BEND5: variants seen among roughly 807,000 people sequenced by gnomAD.
BEND5 encodes BEN domain-containing protein 5.
A neutral mutation model predicts 43.9 loss-of-function variants in BEND5; 22 were observed. That is an observed-to-expected ratio of 0.50 (90% confidence interval 0.36 to 0.72). The LOEUF (loss-of-function observed/expected upper bound fraction) is 0.72, where lower values mean the gene tolerates loss of function less well. Ranked by LOEUF, BEND5 falls within the 30% of genes least tolerant of loss-of-function variation. The pLI, the probability that BEND5 is intolerant of heterozygous loss-of-function variation, is 0.00. For synonymous variants in BEND5, 228 were observed against 225.9 expected (o/e 1.01, Z -0.08); for missense variants, 428 against 550.6 (o/e 0.78, Z 2.23).
In BEND5 at chr1:48,742,668, G is replaced by A. The variant is rs146041042; in HGVS notation, c.849C>T (p.Pro283=). 15 of 1,609,206 alleles carry A rather than the reference G, an allele frequency of 9.3e-6. No homozygotes were observed. Among genetic ancestry groups the A allele is most frequent in the East Asian group, 4.5e-5 (2 of 44,626 alleles). ...SEEANTSSYY[P]APAPVMDKYI... ...ACTTGTCCATGACAGGCGCAGGAGC[G>A]GGGTAATAGGACGACGTATTTGCTT... The change falls in exon 4 of 6, where the codon CCC becomes CCT. Residue 283 remains proline (P), a synonymous_variant. Coordinates refer to ENST00000371833, the MANE Select transcript of BEND5 (RefSeq NM_024603.4).
intron 1 of BEND5, among the ~76,000 whole-genome samples, chr1:48,763,829 G>A (rs1360504756): frequency 6.6e-6 from 1 of 152,208 alleles, no homozygotes; most frequent in Non-Finnish European, 1.5e-5. Context: ...TGAAGTCTGT[G>A]CATCCATCCA....
chr1:48,744,000 C>G (rs1484231352), intron 3 of BEND5, among the ~76,000 whole-genome samples: 1 of 152,180 alleles, frequency 6.6e-6, no homozygotes, highest in Non-Finnish European at 1.5e-5. Context: ...GGTTGGGGAG[C>G]AGAACAGTGC....
rs1297221371 is a variant in BEND5, at chr1:48,727,583, A to G, written c.*303T>C. 3 of 203,978 alleles carry G rather than the reference A, an allele frequency of 1.5e-5. No homozygotes were observed. Among genetic ancestry groups the G allele is most frequent in the African/African-American group, 4.6e-5 (2 of 43,378 alleles). The allele number at this position is 203,978 out of a possible 1,614,324, so 12.6% of individuals were successfully genotyped here. ...TAGAGCAACAAAGAAGTCCTTGGAT[A>G]GTAAAAATATCCATTCAAACCCCAG... On this transcript the variant is annotated 3_prime_UTR_variant, in exon 6 of 6. Coordinates refer to ENST00000371833, the MANE Select transcript of BEND5 (RefSeq NM_024603.4).
intron 2 of BEND5, 128 bp from the exon 3 acceptor site, chr1:48,759,412 G>T: frequency 7.2e-7 from 1 of 1,393,946 alleles, no homozygotes. Flanking sequence ...AGAAACCTGT[G>T]CAAACACTTA....
intron 3 of BEND5, among the ~76,000 whole-genome samples, chr1:48,747,624 T>C (rs1650976968): frequency 6.6e-6 from 1 of 152,258 alleles, no homozygotes; most frequent in Non-Finnish European, 1.5e-5. Context: ...TTCTGTTATT[T>C]ACTTTACCTC....
chr1:48,738,043 A>AC (rs1206646311), intron 4 of BEND5, among the ~76,000 whole-genome samples: 2 of 152,204 alleles, frequency 1.3e-5, no homozygotes, highest in Non-Finnish European at 2.9e-5. Flanking sequence ...CTAATGGCAG[A>AC]CCAGCAAGAT....
intron 5 of BEND5, among the ~76,000 whole-genome samples, chr1:48,731,658 A>G (rs1648157940): frequency 6.6e-6 from 1 of 152,226 alleles, no homozygotes; most frequent in African/African-American, 2.4e-5. Context: ...TGTTCCAGGC[A>G]TCCGGAAAAG....
At chr1:48,758,854 G>T in intron 3 of BEND5, 46 bp downstream of exon 3, 1 of 1,439,348 alleles carries the variant, frequency 6.9e-7, no homozygotes, top group South Asian at 1.4e-5. Flanking sequence ...TCTGCATGAA[G>T]TATTTCACCC....
At chr1:48,734,192 C>T (rs950755971) in intron 5 of BEND5, among the ~76,000 whole-genome samples, 8 of 152,152 alleles carry the variant, frequency 5.3e-5, no homozygotes, top group South Asian at 2.1e-4. Flanking sequence ...TCAATTAATC[C>T]GGAGTCAGCC....
At chr1:48,751,478 G>A (rs1362968094) in intron 3 of BEND5, among the ~76,000 whole-genome samples, 1 of 152,208 alleles carries the variant, frequency 6.6e-6, no homozygotes, top group Non-Finnish European at 1.5e-5. Flanking sequence ...TTTCCTGGGT[G>A]TGTGGCCTCA....
intron 5 of BEND5, among the ~76,000 whole-genome samples, chr1:48,729,150 T>A (rs967611649): frequency 6.6e-6 from 1 of 152,240 alleles, no homozygotes; most frequent in Non-Finnish European, 1.5e-5. Context: ...ATAAACATGT[T>A]GCCTTTTTCA....
intron 1 of BEND5, 50 bp downstream of exon 1, chr1:48,776,556 G>C: frequency 1.5e-6 from 2 of 1,314,004 alleles, no homozygotes; most frequent in Non-Finnish European, 2.0e-6. Flanking sequence ...CCCTCCCGGG[G>C]TCCCAGCCCC....
At chr1:48,750,386 C>T (rs1651497992) in intron 3 of BEND5, among the ~76,000 whole-genome samples, 1 of 152,198 alleles carries the variant, frequency 6.6e-6, no homozygotes, top group Non-Finnish European at 1.5e-5. Context: ...AAGCCAGCCT[C>T]TCTTGCAACT....
intron 1 of BEND5, among the ~76,000 whole-genome samples, chr1:48,769,308 A>G (rs1227217267): frequency 2.0e-5 from 3 of 151,754 alleles, no homozygotes; most frequent in African/African-American, 7.3e-5. Context: ...CCTTGTTCTC[A>G]CTCCCACCAC....
At chr1:48,749,137 T>C (rs1651249568) in intron 3 of BEND5, among the ~76,000 whole-genome samples, 1 of 152,132 alleles carries the variant, frequency 6.6e-6, no homozygotes, top group Non-Finnish European at 1.5e-5. Context: ...CTTTGAGGAA[T>C]TGCAGATGCC....
chr1:48,762,614 T>TTG lies in BEND5; in HGVS notation c.227-1146_227-1145dup, dbSNP rs58396843. Among the ~76,000 whole-genome samples, 524 of 75,120 alleles carry TTG rather than the reference T, an allele frequency of 7.0e-3. 6 individuals are homozygous for TTG. Among genetic ancestry groups the TTG allele is most frequent in the African/African-American group, 0.019 (470 of 25,266 alleles). The allele number at this position is 75,120 out of a possible 152,430, so 49.3% of individuals were successfully genotyped here. ...TAGTTAAATCCAGTCTTTAAGGGTT[T>TTG]TGTGTGTGTGTGTGTGTGTGTGTGT... On this transcript the variant is annotated intron_variant, in intron 1 of 5. Transcript: ENST00000371833.
chr1:48,761,397 T>C lies in BEND5; in HGVS notation c.300A>G (p.Val100=). 2 of 1,551,776 alleles carry C rather than the reference T, an allele frequency of 1.3e-6. No homozygotes were observed. Among genetic ancestry groups the C allele is most frequent in the Non-Finnish European group, 1.7e-6 (2 of 1,146,884 alleles). ...AATCTTTAACCTCTCCATCTTCTTC[T>C]ACATGATTAAGAGAAAGCTTGGGGA... The part of the protein sequence containing the change: ...IKIPKLSLNH[V]EEDGEVKDYG... The change falls in exon 2 of 6, where the codon GTA becomes GTG. Residue 100 remains valine (V), a synonymous_variant. Coordinates refer to ENST00000371833, the MANE Select transcript of BEND5 (RefSeq NM_024603.4).
chr1:48,742,306 T>G (rs1438049729), intron 4 of BEND5, among the ~76,000 whole-genome samples: 1 of 152,220 alleles, frequency 6.6e-6, no homozygotes, highest in Non-Finnish European at 1.5e-5. Flanking sequence ...GGGACAAGTT[T>G]CATCAAACTA....
chr1:48,764,047 C>T (rs991487111), intron 1 of BEND5, among the ~76,000 whole-genome samples: 3 of 152,052 alleles, frequency 2.0e-5, no homozygotes, highest in South Asian at 2.1e-4. Flanking sequence ...TAAACTGGCC[C>T]GGGGGACACA....
Sources: gnomAD v4.1 joint callset for allele counts (sites outside exome capture counted in the v4.1 genomes callset) on GRCh38, gnomAD v4.1.1 for gene constraint, MANE v1.5 for transcripts, NCBI Gene and HGNC (gene_info 2026-07-23, HGNC 2026-07-21) for gene names.